IL16: variants seen among roughly 807,000 people sequenced by gnomAD.
IL16 encodes pro-interleukin-16.
A neutral mutation model predicts 110.1 loss-of-function variants in IL16; 67 were observed. That is an observed-to-expected ratio of 0.61 (90% CI 0.50 to 0.75). The LOEUF (loss-of-function observed/expected upper bound fraction) is 0.75. Among genes scored for constraint, IL16 ranks in the 30% least tolerant of loss-of-function variants. The probability of loss-of-function intolerance (pLI) is 0.00; values close to 1 mark genes in which losing one functional copy is unlikely to be tolerated. For synonymous variants in IL16, 689 were observed against 662.9 expected (o/e 1.04, Z -0.61); for missense variants, 1,545 against 1,655.0 (o/e 0.93, Z 1.15).
chr15:81,199,026 AAAAAAT>A (rs930202457), intron 1 of IL16, among the ~76,000 whole-genome samples: 7 of 94,428 alleles, frequency 7.4e-5, no homozygotes, highest in Non-Finnish European at 1.3e-4. Context: ...TCTCAAAAAA[AAAAAAT>A]ATATATATAT....
In IL16 at chr15:81,297,040, CCA is replaced by C. The variant is rs749211241; in HGVS notation, c.2018_2019del (p.Thr673ArgfsTer24). 6.2e-7 allele frequency: 1 copy of C among 1,613,916 alleles called. No individual in the cohort carries two copies. Among genetic ancestry groups the C allele is most frequent in the East Asian group, 2.2e-5 (1 of 44,874 alleles). On this transcript the variant is annotated frameshift_variant, in exon 13 of 19. Transcript: ENST00000683961. LOFTEE classifies it high-confidence loss of function. ...GGTATCGGCCCACAGACCAAGTCCT[CCA>C]CAGAGGGCGAGCCAGGGTGGAGAAG...
intron 1 of IL16, among the ~76,000 whole-genome samples, chr15:81,217,175 A>G (rs190018182): frequency 6.6e-6 from 1 of 152,314 alleles, no homozygotes; most frequent in Non-Finnish European, 1.5e-5. Context: ...CCCTCAGTGA[A>G]GACAAAGCAA....
intron 1 of IL16, among the ~76,000 whole-genome samples, chr15:81,198,677 G>C (rs1895686240): frequency 9.4e-6 from 1 of 106,328 alleles, no homozygotes; most frequent in Non-Finnish European, 1.7e-5. Context: ...CTGGTTCCCA[G>C]CAGTGGCCCA....
chr15:81,220,392 C>T (rs1896573365), intron 1 of IL16, among the ~76,000 whole-genome samples: 1 of 152,092 alleles, frequency 6.6e-6, no homozygotes, highest in South Asian at 2.1e-4. Context: ...TGAGCTCAAG[C>T]AAATCACCCA....
intron 1 of IL16, among the ~76,000 whole-genome samples, chr15:81,202,120 A>G (rs1566992062): frequency 6.6e-6 from 1 of 152,246 alleles, no homozygotes; most frequent in Non-Finnish European, 1.5e-5. Flanking sequence ...CATTAAATGC[A>G]ATCATCCTTA....
rs755916109 is a variant in IL16, at chr15:81,299,869, C to G, written c.2543C>G (p.Thr848Ser). The change falls in exon 14 of 19, where the codon ACC becomes AGC. Residue 848 changes from threonine to serine, a missense_variant. Coordinates refer to ENST00000683961, the MANE Select transcript of IL16 (RefSeq NM_172217.5). ...AGGCAGAGAATCAGCTCCTTTGAAA[C>G]CTTTGGCTCCTCTCAACTGCCTGAC... ...SIRQRISSFE[T>S]FGSSQLPDKG... The G allele has an allele frequency of 6.2e-7, 1 of 1,613,582 alleles. No individual in the cohort carries two copies. Among genetic ancestry groups the G allele is most frequent in the Non-Finnish European group, 8.5e-7 (1 of 1,180,010 alleles).
chr15:81,283,240 G>A (rs909786314), intron 9 of IL16, among the ~76,000 whole-genome samples: 3 of 152,208 alleles, frequency 2.0e-5, no homozygotes, highest in African/African-American at 7.2e-5. Context: ...GGCTGGGCCG[G>A]GAGGCAGAGA....
chr15:81,211,021 T>A (rs1443577057), intron 1 of IL16, among the ~76,000 whole-genome samples: 1 of 152,130 alleles, frequency 6.6e-6, no homozygotes, highest in African/African-American at 2.4e-5. Flanking sequence ...CTTCCTTAGA[T>A]GCCTAGTGTG....
At chr15:81,282,612 C>T (rs774430981) in intron 8 of IL16, 27 bp from the exon 9 acceptor site, 24 of 1,572,866 alleles carry the variant, frequency 1.5e-5, no homozygotes, top group East Asian at 9.0e-5. Flanking sequence ...GTCCCGGTCT[C>T]CCCACCCCGC....
chr15:81,204,557 C>T (rs947751119), intron 1 of IL16, among the ~76,000 whole-genome samples: 2 of 151,914 alleles, frequency 1.3e-5, no homozygotes, highest in African/African-American at 4.8e-5. Flanking sequence ...TCTCAAAGGC[C>T]TTTTCTGCAT....
At chr15:81,187,833 G>T (rs563316406) in intron 1 of IL16, among the ~76,000 whole-genome samples, 1 of 152,330 alleles carries the variant, frequency 6.6e-6, no homozygotes, top group African/African-American at 2.4e-5. Flanking sequence ...TTGGCTGGGG[G>T]TTCTGGGATA....
chr15:81,257,193 T>G lies in IL16; in HGVS notation c.313-2579T>G, dbSNP rs551730438. The stretch of plus-strand genomic sequence containing the variant: ...ACCATCTGCTGCTGAAAAGGAGTCC[T>G]TCAGGATGAGTTCTCTAGTTTTAAA... On this transcript the variant is annotated intron_variant, in intron 2 of 18. Coordinates refer to ENST00000683961, the MANE Select transcript of IL16 (RefSeq NM_172217.5). 2.0e-4 allele frequency among the ~76,000 whole-genome samples: 31 copies of G among 152,322 alleles called. 1 individual carries two copies. Among genetic ancestry groups the G allele is most frequent in the Admixed American group, 1.8e-3 (28 of 15,294 alleles).
At chr15:81,235,555 A>C (rs1897152947) in intron 2 of IL16, among the ~76,000 whole-genome samples, 1 of 152,144 alleles carries the variant, frequency 6.6e-6, no homozygotes. Context: ...ACCTTTCAGC[A>C]TGAGATTTGG....
intron 11 of IL16, among the ~76,000 whole-genome samples, chr15:81,291,131 A>G (rs1596039730): frequency 6.6e-6 from 1 of 152,364 alleles, no homozygotes; most frequent in South Asian, 2.1e-4. Flanking sequence ...GCCATTGGGC[A>G]TTAATCACGT....
At chr15:81,273,355 G>A (rs1242893248) in intron 6 of IL16, 151 bp downstream of exon 6, 2 of 564,798 alleles carry the variant, frequency 3.5e-6, no homozygotes, top group Non-Finnish European at 6.3e-6. Flanking sequence ...AAGCAATGGG[G>A]ACACAGCTCC....
rs1275444035 is a variant in IL16 at position 81,243,143 on chromosome 15, G to GTATATA, written c.313-16613_313-16608dup. On this transcript the variant is annotated intron_variant, in intron 2 of 18. Transcript: ENST00000683961. ...TTTTGCTTATATATTAGCTATATAA[G>GTATATA]TATATATATATATATATATATTTTT... 9.7e-3 allele frequency among the ~76,000 whole-genome samples: 457 copies of GTATATA among 47,192 alleles called. 38 individuals are homozygous for GTATATA. Among genetic ancestry groups the GTATATA allele is most frequent in the African/African-American group, 0.03 (341 of 11,300 alleles). The allele number at this position is 47,192 out of a possible 152,430, so 31.0% of individuals were successfully genotyped here.
chr15:81,269,484 T>A, intron 4 of IL16, 54 bp from the exon 5 acceptor site: 1 of 1,193,084 alleles, frequency 8.4e-7, no homozygotes, highest in Non-Finnish European at 1.3e-6. Flanking sequence ...TTGTGAGGCA[T>A]GTGCTGCTGT....
chr15:81,183,885 T>A (rs1398353770), intron 1 of IL16, among the ~76,000 whole-genome samples: 2 of 152,066 alleles, frequency 1.3e-5, no homozygotes, highest in Admixed American at 1.3e-4. Context: ...AATTCTTACC[T>A]CAGAGGACGG....
Position 81,313,504 on chromosome 15 carries a change from G to A in IL16, c.*4706G>A. On this transcript the variant is annotated 3_prime_UTR_variant, in exon 19 of 19. Transcript: ENST00000683961. ...AGCCCAGCCCAGTGGAAATGGCCAT[G>A]ATACAGTGATCGCGTCTCATCCCTT... 1.7e-6 allele frequency: 2 copies of A among 1,176,128 alleles called. No individual in the cohort carries two copies. Among genetic ancestry groups the A allele is most frequent in the South Asian group, 2.1e-5 (1 of 47,170 alleles). 72.9% of individuals were successfully genotyped at this position (1,176,128 alleles called of 1,614,324 possible). A position where few individuals can be genotyped will look rare whatever the true frequency, so the allele number is the denominator to read the frequency against.
Sources: allele counts gnomAD v4.1 joint callset (sites outside exome capture counted in the v4.1 genomes callset), GRCh38; gene constraint gnomAD v4.1.1; transcripts MANE v1.5; gene names NCBI Gene and HGNC (gene_info 2026-07-23, HGNC 2026-07-21).